Variants in FBXL20 observed in about 807,000 individuals in gnomAD.
FBXL20 encodes F-box/LRR-repeat protein 20.
Under a neutral mutation model 64.0 loss-of-function variants are expected in FBXL20, and 11 were observed. The observed-to-expected ratio is 0.17, with a 90% confidence interval of 0.11 to 0.28. FBXL20 has a LOEUF of 0.28. FBXL20 is among the 10% of genes least tolerant of loss of function. The pLI is 1.00. For synonymous variants in FBXL20, 184 were observed against 189.0 expected, an observed-to-expected ratio of 0.97 and a Z score of 0.22; for missense variants, 303 against 526.2, an observed-to-expected ratio of 0.58 and a Z score of 4.15.
At chr17:39,313,201 G>C (rs922427030) in intron 2 of FBXL20, among the ~76,000 whole-genome samples, 1 of 151,754 alleles carries the variant, frequency 6.6e-6, no homozygotes, top group African/African-American at 2.4e-5. Flanking sequence ...ACAGGTGTGA[G>C]CCACAGTGCC....
At chr17:39,291,841 A>C (rs1247477831) in intron 6 of FBXL20, among the ~76,000 whole-genome samples, 1 of 152,190 alleles carries the variant, frequency 6.6e-6, no homozygotes, top group Non-Finnish European at 1.5e-5. Context: ...TTATCACTCA[A>C]TGAAGCATAT....
chr17:39,308,331 TA>T (rs1422545565), intron 2 of FBXL20, among the ~76,000 whole-genome samples: 3 of 151,656 alleles, frequency 2.0e-5, no homozygotes, highest in Non-Finnish European at 4.4e-5. Flanking sequence ...CCCGACTCTG[TA>T]AAAATGAAAA....
At chr17:39,401,739 G>A (rs1597845176), upstream of FBXL20, 4 of 1,089,278 alleles carry the variant, frequency 3.7e-6, no homozygotes, top group East Asian at 6.0e-5. Context: ...AGGGGCGGGA[G>A]GGGAGGAGCG....
At chr17:39,352,705 A>AG (rs1180837317) in intron 1 of FBXL20, among the ~76,000 whole-genome samples, 1 of 151,672 alleles carries the variant, frequency 6.6e-6, no homozygotes, top group Non-Finnish European at 1.5e-5. Context: ...AAAGAAAAGA[A>AG]GAAAAAAAAG....
chr17:39,261,554 T>C lies in FBXL20; in HGVS notation c.1217A>G (p.Asn406Ser), dbSNP rs759678062. 6 of 1,612,766 alleles carry C rather than the reference T, an allele frequency of 3.7e-6. 1 individual carries two copies. Among genetic ancestry groups the C allele is most frequent in the African/African-American group, 2.7e-5 (2 of 74,884 alleles). ...GIKRLRTHLPNIKVHAYFAPV... is the reference protein window; with the variant it reads ...GIKRLRTHLPSIKVHAYFAPV... ...TGCGAAGTAGGCGTGGACTTTAATA[T>C]TGGGTAAATGGGTCTGAAACAAGAC... The change falls in exon 15 of 15, where the codon AAT becomes AGT. Residue 406 changes from asparagine (N) to serine (S), a missense_variant. By Grantham distance (46) the Asn-to-Ser change is conservative. This residue lies in a region of FBXL20 where 56 missense variants were observed against 86.0 expected (regional missense o/e 0.65). Transcript: ENST00000264658.
intron 10 of FBXL20, among the ~76,000 whole-genome samples, chr17:39,271,883 T>C (rs1279238759): frequency 2.6e-5 from 4 of 152,202 alleles, no homozygotes; most frequent in Non-Finnish European, 5.9e-5. Context: ...TGTTTGTTTA[T>C]AAAATTCTTA....
At chr17:39,318,084 C>A (rs2047314327) in intron 2 of FBXL20, among the ~76,000 whole-genome samples, 1 of 151,978 alleles carries the variant, frequency 6.6e-6, no homozygotes, top group Admixed American at 6.6e-5. Context: ...AAAATCCCTG[C>A]CCTCAAGCCA....
intron 2 of FBXL20, among the ~76,000 whole-genome samples, chr17:39,318,625 A>G (rs1295276662): frequency 6.6e-6 from 1 of 152,146 alleles, no homozygotes; most frequent in African/African-American, 2.4e-5. Context: ...CTGTAATCCT[A>G]GCTACTCAGG....
chr17:39,361,627 C>T, intron 1 of FBXL20, among the ~76,000 whole-genome samples: 1 of 151,734 alleles, frequency 6.6e-6, no homozygotes, highest in East Asian at 1.9e-4. Flanking sequence ...GAAACCCTGT[C>T]TCTACTAAAA....
chr17:39,270,859 G>GT lies in FBXL20; in HGVS notation c.828-4dup, dbSNP rs1238419546. The GT allele has an allele frequency of 4.5e-6, 6 of 1,322,160 alleles. No individual in the cohort carries two copies. The highest frequency in any genetic ancestry group is 6.1e-6 in the Non-Finnish European group (6 of 984,830). The allele number at this position is 1,322,160 out of a possible 1,614,324, so 81.9% of individuals were successfully genotyped here. On this transcript the variant is annotated splice_polypyrimidine_tract_variant and splice_region_variant and intron_variant, in intron 10 of 14. Coordinates refer to ENST00000264658, the MANE Select transcript of FBXL20 (RefSeq NM_032875.3). ...AACATCTTGCCACTTCCAATATTCT[G>GT]TTAAAAAAAAAAAAAAAACAGTGAA...
At chr17:39,348,330 G>A (rs963500121) in intron 1 of FBXL20, among the ~76,000 whole-genome samples, 2 of 152,190 alleles carry the variant, frequency 1.3e-5, no homozygotes, top group South Asian at 2.1e-4. Context: ...GCATGGTGAC[G>A]CACACCTGTA....
intron 1 of FBXL20, among the ~76,000 whole-genome samples, chr17:39,355,631 G>A (rs1014554249): frequency 7.2e-5 from 11 of 152,052 alleles, no homozygotes; most frequent in South Asian, 2.1e-4. Flanking sequence ...CAAGGCGGGC[G>A]GATCACCTGA....
chr17:39,384,685 G>A (rs192898610), intron 1 of FBXL20, among the ~76,000 whole-genome samples: 143 of 151,844 alleles, frequency 9.4e-4, no homozygotes, highest in African/African-American at 3.1e-3. Flanking sequence ...GGCCGGGCAC[G>A]GTGGCTCACG....
intron 1 of FBXL20, among the ~76,000 whole-genome samples, chr17:39,376,650 C>G (rs1333080039): frequency 6.6e-6 from 1 of 152,152 alleles, no homozygotes; most frequent in African/African-American, 2.4e-5. Flanking sequence ...CTGGCAAAGA[C>G]TAGGAGAATT....
intron 1 of FBXL20, among the ~76,000 whole-genome samples, chr17:39,397,488 T>C (rs1326528653): frequency 5.9e-5 from 9 of 152,278 alleles, no homozygotes; most frequent in Non-Finnish European, 1.0e-4. Flanking sequence ...ATAAACCCAT[T>C]AAGACAGAAT....
chr17:39,315,747 C>T (rs2047281455), intron 2 of FBXL20, among the ~76,000 whole-genome samples: 1 of 150,536 alleles, frequency 6.6e-6, no homozygotes, highest in Admixed American at 6.7e-5. Flanking sequence ...GTCCGTGCAA[C>T]AGGAGGAAGG....
At chr17:39,323,886 C>T (rs752581198) in intron 2 of FBXL20, among the ~76,000 whole-genome samples, 18 of 151,900 alleles carry the variant, frequency 1.2e-4, no homozygotes, top group Non-Finnish European at 2.4e-4. Context: ...CTGCCTCAGC[C>T]TCCTGAGTAG....
intron 1 of FBXL20, among the ~76,000 whole-genome samples, chr17:39,376,612 T>A (rs1233802429): frequency 6.6e-6 from 1 of 152,210 alleles, no homozygotes; most frequent in Non-Finnish European, 1.5e-5. Context: ...TGGCCGTGTG[T>A]TCAAAGTGTG....
chr17:39,342,799 T>C (rs2047595669), intron 2 of FBXL20, among the ~76,000 whole-genome samples: 1 of 149,970 alleles, frequency 6.7e-6, no homozygotes, highest in Non-Finnish European at 1.5e-5. Context: ...GGAGGACTGC[T>C]TGAGCCTGGG....
Sources: gnomAD v4.1 joint callset for allele counts (sites outside exome capture counted in the v4.1 genomes callset) on GRCh38, gnomAD v4.1.1 for gene constraint, gnomAD v4.1.1 regional missense constraint, MANE v1.5 for transcripts, NCBI Gene and HGNC (gene_info 2026-07-23, HGNC 2026-07-21) for gene names.